RERE: variants seen among roughly 807,000 people sequenced by gnomAD.
RERE encodes the protein arginine-glutamic acid dipeptide repeats protein.
In RERE, 40 loss-of-function variants were observed where a neutral mutation model predicts 146.1. That is an observed-to-expected ratio of 0.27 (90% CI 0.21 to 0.36). The LOEUF (loss-of-function observed/expected upper bound fraction) is 0.36, where lower values mean the gene tolerates loss of function less well. RERE is among the 10% of genes least tolerant of loss of function. The pLI, the probability that RERE is intolerant of heterozygous loss-of-function variation, is 1.00. For missense variants in RERE, 1,933 were observed against 2,138.7 expected, an observed-to-expected ratio of 0.90 and a Z score of 1.90; for synonymous variants, 1,003 against 866.0, an observed-to-expected ratio of 1.16 and a Z score of -2.78.
At chr1:8,614,927 A>T (rs537851244) in intron 3 of RERE, among the ~76,000 whole-genome samples, 37 of 152,326 alleles carry the variant, frequency 2.4e-4, no homozygotes, top group African/African-American at 8.9e-4. Flanking sequence ...AGGTCCTATC[A>T]TAAAGCAGTA....
At chr1:8,463,204 C>T (rs1644548760) in intron 11 of RERE, among the ~76,000 whole-genome samples, 1 of 152,212 alleles carries the variant, frequency 6.6e-6, no homozygotes, top group South Asian at 2.1e-4. Context: ...GTCAGTCTCT[C>T]TTCTTCACTG....
At chr1:8,523,664 CAT>C (rs1553179747) in intron 7 of RERE, among the ~76,000 whole-genome samples, 97,145 of 152,012 alleles carry the variant, frequency 0.64, 31,533 homozygotes, top group East Asian at 0.83. Context: ...ATACCACACT[CAT>C]TAGAGTTACT....
intron 11 of RERE, among the ~76,000 whole-genome samples, chr1:8,426,737 C>G (rs966395707): frequency 1.3e-5 from 2 of 152,096 alleles, no homozygotes; most frequent in African/African-American, 4.8e-5. Flanking sequence ...GGATCCTGGC[C>G]CTGCCCACCT....
intron 4 of RERE, among the ~76,000 whole-genome samples, chr1:8,592,744 T>C (rs1362980294): frequency 6.6e-6 from 1 of 151,930 alleles, no homozygotes; most frequent in Non-Finnish European, 1.5e-5. Context: ...TTGCGCAGAG[T>C]TCTACTTTTA....
At chr1:8,446,227 C>A (rs530719650) in intron 11 of RERE, among the ~76,000 whole-genome samples, 2 of 152,316 alleles carry the variant, frequency 1.3e-5, no homozygotes, top group Admixed American at 6.5e-5. Flanking sequence ...TGCAGAGATC[C>A]GCTGATAGTC....
chr1:8,750,984 T>C (rs1414084915), intron 1 of RERE: 2 of 671,502 alleles, frequency 3.0e-6, no homozygotes, highest in Non-Finnish European at 5.4e-6. Flanking sequence ...ATCATCTGCA[T>C]GGAGGATCTG....
At chr1:8,420,168 G>C (rs1643886982) in intron 12 of RERE, among the ~76,000 whole-genome samples, 1 of 152,160 alleles carries the variant, frequency 6.6e-6, no homozygotes, top group African/African-American at 2.4e-5. Context: ...AATTCTGGTA[G>C]ACAGAAGAAA....
chr1:8,797,191 C>G (rs139785862), intron 1 of RERE, among the ~76,000 whole-genome samples: 1 of 151,974 alleles, frequency 6.6e-6, no homozygotes, highest in Non-Finnish European at 1.5e-5. Flanking sequence ...CTGGGCAACA[C>G]AGGGAGACCC....
intron 2 of RERE, among the ~76,000 whole-genome samples, chr1:8,633,373 T>C (rs1409451471): frequency 2.0e-5 from 3 of 147,284 alleles, no homozygotes; most frequent in East Asian, 2.0e-4. Context: ...CAGTGAGCTA[T>C]AATAGCACCA....
At chr1:8,734,056 G>A (rs551453408) in intron 1 of RERE, among the ~76,000 whole-genome samples, 42 of 152,266 alleles carry the variant, frequency 2.8e-4, no homozygotes, top group African/African-American at 9.1e-4. Flanking sequence ...GCAGTCAGCC[G>A]AAATCGTGCC....
intron 11 of RERE, among the ~76,000 whole-genome samples, chr1:8,449,171 T>C (rs1644362068): frequency 1.3e-5 from 2 of 152,166 alleles, no homozygotes; most frequent in Non-Finnish European, 2.9e-5. Context: ...TGTGGCCTAA[T>C]AAAGGATCAA....
chr1:8,629,680 C>T (rs1009866293), intron 2 of RERE, among the ~76,000 whole-genome samples: 1 of 152,142 alleles, frequency 6.6e-6, no homozygotes, highest in African/African-American at 2.4e-5. Flanking sequence ...GGACACTTAC[C>T]TCACCCACTA....
chr1:8,551,490 C>T (rs1302294088), intron 6 of RERE, among the ~76,000 whole-genome samples: 1 of 152,128 alleles, frequency 6.6e-6, no homozygotes, highest in African/African-American at 2.4e-5. Context: ...ATATCTAATC[C>T]CTCCTCCGCC....
intron 1 of RERE, among the ~76,000 whole-genome samples, chr1:8,695,941 A>T (rs1430472892): frequency 1.3e-5 from 2 of 152,250 alleles, no homozygotes. Flanking sequence ...GACATTCCTC[A>T]AAAGAAGACA....
At chr1:8,521,788 C>A (rs1645504693) in intron 7 of RERE, among the ~76,000 whole-genome samples, 1 of 152,190 alleles carries the variant, frequency 6.6e-6, no homozygotes, top group African/African-American at 2.4e-5. Context: ...AGCCTTTCCT[C>A]TTACCACAGA....
chr1:8,422,291 G>GA (rs1159384616), intron 12 of RERE, among the ~76,000 whole-genome samples: 4 of 152,128 alleles, frequency 2.6e-5, no homozygotes, highest in East Asian at 1.9e-4. Flanking sequence ...TTGAAAAATG[G>GA]AAAAAATCCC....
intron 12 of RERE, among the ~76,000 whole-genome samples, chr1:8,401,014 T>C (rs1234967459): frequency 4.2e-5 from 1 of 23,916 alleles, no homozygotes; most frequent in African/African-American, 1.6e-4. Context: ...TGAGACTCTG[T>C]CTCAAAAAAA....
At chr1:8,680,209 T>C (rs1225950034) in intron 1 of RERE, among the ~76,000 whole-genome samples, 2 of 152,192 alleles carry the variant, frequency 1.3e-5, no homozygotes, top group African/African-American at 2.4e-5. Flanking sequence ...TTCTGATTTT[T>C]TGGTTATTAC....
chr1:8,747,302 T>G (rs536788360), intron 1 of RERE, among the ~76,000 whole-genome samples: 8 of 152,138 alleles, frequency 5.3e-5, no homozygotes, highest in African/African-American at 1.9e-4. Context: ...CGCCCAGCCC[T>G]GACTTAACTT....
Sources: allele counts gnomAD v4.1 joint callset (sites outside exome capture counted in the v4.1 genomes callset), GRCh38; gene constraint gnomAD v4.1.1; transcripts MANE v1.5; gene names NCBI Gene and HGNC (gene_info 2026-07-23, HGNC 2026-07-21).